The following SPIN1 variants were observed in gnomAD, a reference collection of about 807,000 sequenced individuals.
SPIN1 encodes the protein spindlin 1, also known as spindlin-1.
A neutral mutation model predicts 26.0 loss-of-function variants in SPIN1; 3 were observed. The observed-to-expected ratio is 0.12, with a 90% CI of 0.05 to 0.30. SPIN1 has a LOEUF of 0.30. Among genes scored for constraint, SPIN1 ranks in the 10% least tolerant of loss-of-function variants. The pLI is 1.00. For synonymous variants in SPIN1, 101 were observed against 116.5 expected, an observed-to-expected ratio of 0.87 and a Z score of 0.86; for missense variants, 126 against 333.4, an observed-to-expected ratio of 0.38 and a Z score of 4.84.
At position 88,443,070 on chromosome 9, in the gene SPIN1, A is replaced by G. The variant is rs182184542; in HGVS notation, c.53-5871A>G. On this transcript the variant is annotated intron_variant, in intron 2 of 5. Transcript: ENST00000375859. Reference sequence around the variant, plus strand: ...GGGAGGCAGAGGTTGCAGTGAGCCAAGATGGCACCACTGCCCTCCAGCCTG... The same window carrying G: ...GGGAGGCAGAGGTTGCAGTGAGCCAGGATGGCACCACTGCCCTCCAGCCTG... 3.0e-3 allele frequency among the ~76,000 whole-genome samples: 454 copies of G among 150,654 alleles called. 2 individuals are homozygous for G. Among genetic ancestry groups the G allele is most frequent in the African/African-American group, 0.01 (424 of 40,512 alleles).
At chr9:88,437,933 G>T (rs1480160459) in intron 2 of SPIN1, among the ~76,000 whole-genome samples, 1 of 152,004 alleles carries the variant, frequency 6.6e-6, no homozygotes, top group Non-Finnish European at 1.5e-5. Flanking sequence ...GCTGAGGGGG[G>T]CAGAGGCCAG....
chr9:88,411,763 C>G (rs956341090), intron 1 of SPIN1, among the ~76,000 whole-genome samples: 1 of 152,258 alleles, frequency 6.6e-6, no homozygotes, highest in East Asian at 1.9e-4. Context: ...AATCCTCCCT[C>G]CCTTGCCTTC....
intron 2 of SPIN1, among the ~76,000 whole-genome samples, chr9:88,443,303 A>G (rs1828178909): frequency 1.3e-5 from 2 of 152,074 alleles, no homozygotes; most frequent in Admixed American, 6.5e-5. Flanking sequence ...TTAACATGCC[A>G]TTAAACTCAG....
At chr9:88,431,566 A>G (rs1057446810) in intron 2 of SPIN1, among the ~76,000 whole-genome samples, 1 of 152,238 alleles carries the variant, frequency 6.6e-6, no homozygotes, top group African/African-American at 2.4e-5. Flanking sequence ...CTGGGATTAC[A>G]GAAGTAGGCC....
chr9:88,400,729 C>G (rs1474850080), intron 1 of SPIN1, among the ~76,000 whole-genome samples: 3 of 152,056 alleles, frequency 2.0e-5, no homozygotes, highest in African/African-American at 7.2e-5. Context: ...GCCTTAATCC[C>G]AGCTACTCGG....
chr9:88,478,274 C>T lies in SPIN1; in HGVS notation c.*2997C>T, dbSNP rs1014882586. 1.3e-5 allele frequency: 2 copies of T among 152,588 alleles called. No homozygotes were observed. Among genetic ancestry groups the T allele is most frequent in the Admixed American group, 1.3e-4 (2 of 15,270 alleles). The allele number at this position is 152,588 out of a possible 1,614,324, so 9.5% of individuals were successfully genotyped here. The stretch of plus-strand genomic sequence containing the variant: ...CTGTAGACCCATTAGAAGACTGTTC[C>T]GATTGTTACAAATTGTAGTGCCTGA... On this transcript the variant is annotated 3_prime_UTR_variant, in exon 6 of 6. Transcript: ENST00000375859.
In SPIN1 at chr9:88,475,390, C is replaced by A; in HGVS notation, c.*113C>A. ...AAGCTTAAATGTCCCTGCGAACCCA[C>A]AATCTCTGCCAGCAGAACTGGTTTT... On this transcript the variant is annotated 3_prime_UTR_variant, in exon 6 of 6. Coordinates refer to ENST00000375859, the MANE Select transcript of SPIN1 (RefSeq NM_006717.3). 1 of 1,057,938 alleles carries A rather than the reference C, an allele frequency of 9.5e-7. No homozygotes were observed. The highest frequency in any genetic ancestry group is 1.4e-6 in the Non-Finnish European group (1 of 729,260). The allele number at this position is 1,057,938 out of a possible 1,614,324, so 65.5% of individuals were successfully genotyped here. A position where few individuals can be genotyped will look rare whatever the true frequency, so the allele number is the denominator to read the frequency against.
intron 2 of SPIN1, among the ~76,000 whole-genome samples, chr9:88,430,794 AT>A (rs1420204399): frequency 1.3e-5 from 2 of 150,678 alleles, no homozygotes; most frequent in Non-Finnish European, 1.5e-5. Flanking sequence ...ATATGGTAAA[AT>A]TTTTTTTCAC....
At chr9:88,430,412 T>C (rs1223515940) in intron 2 of SPIN1, among the ~76,000 whole-genome samples, 1 of 152,240 alleles carries the variant, frequency 6.6e-6, no homozygotes, top group African/African-American at 2.4e-5. Flanking sequence ...GGTTCACTTC[T>C]ACTGCATTCT....
intron 3 of SPIN1, among the ~76,000 whole-genome samples, chr9:88,451,469 T>C (rs1047651001): frequency 2.0e-5 from 3 of 152,324 alleles, no homozygotes; most frequent in South Asian, 4.1e-4. Flanking sequence ...GAGCACCTTG[T>C]GGTGTTTTGG....
At position 88,410,646 on chromosome 9, in the gene SPIN1, G is replaced by A. The variant is rs948049355; in HGVS notation, c.-158-15736G>A. 134 of 1,158,562 alleles carry A rather than the reference G, an allele frequency of 1.2e-4. No individual in the cohort carries two copies. In the Middle Eastern group the frequency reaches 1.9e-3, roughly 17 times the overall value. The allele number at this position is 1,158,562 out of a possible 1,614,324, so 71.8% of individuals were successfully genotyped here. A position where few individuals can be genotyped will look rare whatever the true frequency, so the allele number is the denominator to read the frequency against. On this transcript the variant is annotated intron_variant, in intron 1 of 5. Transcript: ENST00000375859. ...CACCACCATAGGGGCCAGAGCTTCT[G>A]CCTCCAAAGTTTCCTTCCTTCGTGG...
intron 2 of SPIN1, among the ~76,000 whole-genome samples, chr9:88,439,436 T>C (rs1245387198): frequency 2.0e-5 from 3 of 152,130 alleles, no homozygotes; most frequent in Admixed American, 6.5e-5. Flanking sequence ...TACATAAAAT[T>C]ACTTTCAGGG....
In SPIN1 at chr9:88,476,683, T is replaced by A. The variant is rs1005669637; in HGVS notation, c.*1406T>A. On this transcript the variant is annotated 3_prime_UTR_variant, in exon 6 of 6. Coordinates refer to ENST00000375859, the MANE Select transcript of SPIN1 (RefSeq NM_006717.3). ...TTATTCCTGCAAGGTTGTTTTAAAC[T>A]GAAATAGAACTGCTAGTGTGATTGG... 1 of 152,230 alleles carries A rather than the reference T, an allele frequency of 6.6e-6. No homozygotes were observed. The highest frequency in any genetic ancestry group is 2.4e-5 in the African/African-American group (1 of 41,462). The allele number at this position is 152,230 out of a possible 1,614,324, so 9.4% of individuals were successfully genotyped here. A position where few individuals can be genotyped will look rare whatever the true frequency, so the allele number is the denominator to read the frequency against.
chr9:88,403,726 A>G (rs1313054753), intron 1 of SPIN1, among the ~76,000 whole-genome samples: 1 of 152,154 alleles, frequency 6.6e-6, no homozygotes, highest in African/African-American at 2.4e-5. Context: ...AGCGGGGGAA[A>G]AAAAAGAAAA....
chr9:88,449,094 C>A, intron 3 of SPIN1, 105 bp downstream of exon 3: 1 of 1,031,094 alleles, frequency 9.7e-7, no homozygotes, highest in Non-Finnish European at 1.5e-6. Flanking sequence ...CGAGGGCTTC[C>A]TAGCTCATAG....
chr9:88,418,392 T>C (rs1484514747), intron 1 of SPIN1, among the ~76,000 whole-genome samples: 1 of 152,222 alleles, frequency 6.6e-6, no homozygotes, highest in Non-Finnish European at 1.5e-5. Context: ...ATTTTTTTTC[T>C]TTTTTGTTTA....
chr9:88,394,659 A>G (rs1223483694), intron 1 of SPIN1, among the ~76,000 whole-genome samples: 1 of 152,184 alleles, frequency 6.6e-6, no homozygotes, highest in African/African-American at 2.4e-5. Context: ...TCCTTAAAAT[A>G]TATCCACATA....
rs1734272324 is a variant in SPIN1 at position 88,477,649 on chromosome 9, C to T, written c.*2372C>T. 6.6e-6 allele frequency: 1 copy of T among 152,542 alleles called. No individual in the cohort carries two copies. The highest frequency in any genetic ancestry group is 2.4e-5 in the African/African-American group (1 of 41,416). 9.4% of individuals were successfully genotyped at this position (152,542 alleles called of 1,614,324 possible). On this transcript the variant is annotated 3_prime_UTR_variant, in exon 6 of 6. Coordinates refer to ENST00000375859, the MANE Select transcript of SPIN1 (RefSeq NM_006717.3). ...TCCCAAGCCCTTGTATCTTGGGCTT[C>T]ATTTTAGGCTCATGTGTCAGATCTG...
chr9:88,405,545 T>TA (rs1359059105), intron 1 of SPIN1, among the ~76,000 whole-genome samples: 1 of 146,944 alleles, frequency 6.8e-6, no homozygotes, highest in Non-Finnish European at 1.5e-5. Flanking sequence ...CCTTTTTTTT[T>TA]TTTTTTTTTT....
Sources: gnomAD v4.1 joint callset for allele counts (sites outside exome capture counted in the v4.1 genomes callset) on GRCh38, gnomAD v4.1.1 for gene constraint, MANE v1.5 for transcripts, NCBI Gene and HGNC (gene_info 2026-07-23, HGNC 2026-07-21) for gene names.